EHMT1: variants seen among roughly 807,000 people sequenced by gnomAD.
EHMT1 encodes the protein euchromatic histone lysine methyltransferase 1.
Under a neutral mutation model 147.2 loss-of-function variants are expected in EHMT1, and 15 were observed. The ratio of observed to expected loss-of-function variants is 0.10; its 90% CI spans 0.07 to 0.16. The LOEUF is 0.16. Among genes scored for constraint, EHMT1 ranks in the 10% least tolerant of loss-of-function variants. EHMT1 has a pLI of 1.00. For missense variants in EHMT1, 1,587 were observed against 1,772.4 expected (o/e 0.90, Z 1.88); for synonymous variants, 795 against 709.6 (o/e 1.12, Z -1.91).
chr9:137,826,148 G>C (rs1250110420), intron 25 of EHMT1, among the ~76,000 whole-genome samples: 35 of 138,124 alleles, frequency 2.5e-4, no homozygotes, highest in Admixed American at 2.5e-3. Context: ...GTCCATAGGG[G>C]GTGGGTGGGT....
At chr9:137,814,409 C>T in intron 21 of EHMT1, 22 bp from the exon 22 acceptor site, 3 of 1,611,488 alleles carry the variant, frequency 1.9e-6, no homozygotes, top group East Asian at 2.2e-5. Flanking sequence ...CACGTCTGAC[C>T]CCCCGGCGCC....
chr9:137,715,664 T>C (rs1025665979), intron 2 of EHMT1: 9 of 985,246 alleles, frequency 9.1e-6, no homozygotes, highest in Middle Eastern at 5.2e-4. Context: ...TGATGTAAAA[T>C]AGTGTCTCCT....
chr9:137,764,608 C>T (rs979235193), intron 10 of EHMT1: 2 of 152,204 alleles, frequency 1.3e-5, no homozygotes, highest in Non-Finnish European at 2.9e-5. Context: ...ACCATTGTCT[C>T]ACATAACAGC....
chr9:137,678,005 C>A (rs1035839577), intron 1 of EHMT1, among the ~76,000 whole-genome samples: 19 of 151,950 alleles, frequency 1.3e-4, no homozygotes, highest in African/African-American at 4.6e-4. Context: ...GGAGGCGGAG[C>A]TTGCAGTGAA....
intron 1 of EHMT1, among the ~76,000 whole-genome samples, chr9:137,669,204 T>TGTATCCTTCATGTCTCGTC (rs1940106046): frequency 6.6e-6 from 1 of 152,100 alleles, no homozygotes; most frequent in Non-Finnish European, 1.5e-5. Context: ...AGGTTCTTGA[T>TGTATCCTTCATGTCTCGTC]GTATCCTTCA....
intron 1 of EHMT1, among the ~76,000 whole-genome samples, chr9:137,673,410 T>C (rs1940902764): frequency 6.6e-6 from 1 of 152,236 alleles, no homozygotes; most frequent in Non-Finnish European, 1.5e-5. Context: ...GTGTAAGTTC[T>C]GTACAGCCTT....
intron 3 of EHMT1, among the ~76,000 whole-genome samples, chr9:137,721,664 C>G (rs1946069171): frequency 6.6e-6 from 1 of 151,618 alleles, no homozygotes. Context: ...CTCCACGCCT[C>G]TCACGCTCAT....
chr9:137,643,503 C>T (rs10780178), intron 1 of EHMT1, among the ~76,000 whole-genome samples: 1 of 151,848 alleles, frequency 6.6e-6, no homozygotes, highest in East Asian at 1.9e-4. Flanking sequence ...CACCTGCCAT[C>T]ACGCCTGGCT....
chr9:137,668,175 G>A (rs971151104), intron 1 of EHMT1, among the ~76,000 whole-genome samples: 1 of 152,178 alleles, frequency 6.6e-6, no homozygotes, highest in Non-Finnish European at 1.5e-5. Flanking sequence ...GACAAGGAGT[G>A]CTGATGGCTT....
At chr9:137,815,607 G>T in intron 22 of EHMT1, 1 of 384,252 alleles carries the variant, frequency 2.6e-6, no homozygotes, top group East Asian at 6.3e-5. Flanking sequence ...CCAACCAGCT[G>T]AAGAAAGCAG....
intron 4 of EHMT1, among the ~76,000 whole-genome samples, chr9:137,736,511 G>T (rs1291386452): frequency 6.6e-6 from 1 of 152,362 alleles, no homozygotes; most frequent in Non-Finnish European, 1.5e-5. Context: ...ACAGCAGCAT[G>T]TACACTCTTC....
chr9:137,814,854 G>C (rs1052051608), intron 22 of EHMT1: 3 of 459,128 alleles, frequency 6.5e-6, no homozygotes, highest in African/African-American at 5.9e-5. Flanking sequence ...TGCTGAGTGT[G>C]AGGGGTGTGA....
At chr9:137,801,260 C>T (rs1255761397) in intron 18 of EHMT1, among the ~76,000 whole-genome samples, 1 of 152,190 alleles carries the variant, frequency 6.6e-6, no homozygotes. Context: ...GGGGCTGTGC[C>T]TGGGCCTGAG....
Position 137,716,890 on chromosome 9 carries a change from C to G in EHMT1, c.350C>G (p.Thr117Ser), listed in dbSNP as rs374844911. 7 of 1,613,190 alleles carry G rather than the reference C, an allele frequency of 4.3e-6. No individual in the cohort carries two copies. Among genetic ancestry groups the G allele is most frequent in the Non-Finnish European group, 5.9e-6 (7 of 1,179,892 alleles). ...GTCACTGCCGACGACTTTGTGCAGA[C>G]TTCTGTCATCGGCAGCAACGGATAC... is the stretch of plus-strand genomic sequence containing the variant. The part of the protein sequence containing the change: ...NHVTADDFVQ[T>S]SVIGSNGYIL... Residue 117 changes from threonine to serine, a missense_variant, in exon 3 of 27, where the codon ACT becomes AGT. By Grantham distance (58) the Thr-to-Ser change is moderately conservative. This residue lies in a region of EHMT1 where 810 missense variants were observed against 673.0 expected (regional missense o/e 1.20). Coordinates refer to ENST00000460843, the MANE Select transcript of EHMT1 (RefSeq NM_024757.5).
chr9:137,738,777 GAAGT>G (rs1202633039), intron 4 of EHMT1: 2 of 152,224 alleles, frequency 1.3e-5, no homozygotes, highest in Non-Finnish European at 2.9e-5. Context: ...TGTGCCGAAT[GAAGT>G]AAGTCAGCCA....
At chr9:137,619,315 T>C (rs989403552) in intron 1 of EHMT1, among the ~76,000 whole-genome samples, 2 of 146,328 alleles carry the variant, frequency 1.4e-5, no homozygotes, top group Admixed American at 1.4e-4. Flanking sequence ...GGGGCGCAGG[T>C]GAGGGAGGCG....
intron 8 of EHMT1, among the ~76,000 whole-genome samples, chr9:137,754,586 C>T (rs912971126): frequency 6.6e-6 from 1 of 152,030 alleles, no homozygotes; most frequent in Non-Finnish European, 1.5e-5. Flanking sequence ...GATCTCAGCT[C>T]ACTGCAGCTT....
chr9:137,694,130 C>T (rs1274386941), intron 1 of EHMT1, among the ~76,000 whole-genome samples: 2 of 95,098 alleles, frequency 2.1e-5, no homozygotes, highest in Non-Finnish European at 4.1e-5. Flanking sequence ...CACACAGTGG[C>T]GCAGGACGCT....
In EHMT1 at chr9:137,813,047, A is replaced by G. The variant is rs768660574; in HGVS notation, c.2909A>G (p.Lys970Arg). Reference sequence around the variant, plus strand: ...GATTCAGATGTCACCTTAAAGAACAAGGAAGGAGAGACGCCCCTGCAGTGT... The same window carrying G: ...GATTCAGATGTCACCTTAAAGAACAGGGAAGGAGAGACGCCCCTGCAGTGT... ...SRDSDVTLKNKEGETPLQCAS... is the reference protein window; with the variant it reads ...SRDSDVTLKNREGETPLQCAS... The change falls in exon 20 of 27, where the codon AAG becomes AGG. Residue 970 changes from lysine (K) to arginine (R), a missense_variant. By Grantham distance (26) the Lys-to-Arg change is conservative. Transcript: ENST00000460843. The surrounding 1 kb of genome is among the most constrained non-coding windows in gnomAD (Gnocchi z 4.9). 3.1e-6 allele frequency: 5 copies of G among 1,614,026 alleles called. 1 individual carries two copies. The South Asian group carries it at 4.4e-5, about 14-fold the overall frequency.
Sources: allele counts gnomAD v4.1 joint callset (sites outside exome capture counted in the v4.1 genomes callset), GRCh38; gene constraint gnomAD v4.1.1; regional missense constraint gnomAD v4.1.1; non-coding constraint Gnocchi (gnomAD v3.1); transcripts MANE v1.5; gene names NCBI Gene and HGNC (gene_info 2026-07-23, HGNC 2026-07-21).